The following PPP1CB variants were observed in gnomAD, a reference collection of about 807,000 sequenced individuals.
The protein encoded by PPP1CB is protein phosphatase 1 catalytic subunit beta, also known as serine/threonine-protein phosphatase PP1-beta catalytic subunit.
A neutral mutation model predicts 43.7 loss-of-function variants in PPP1CB; 2 were observed. The observed-to-expected ratio is 0.05, with a 90% CI of 0.02 to 0.14. The LOEUF (loss-of-function observed/expected upper bound fraction) is 0.14. Among genes scored for constraint, PPP1CB ranks in the 10% least tolerant of loss-of-function variants. The pLI, the probability that PPP1CB is intolerant of heterozygous loss-of-function variation, is 1.00. For synonymous variants in PPP1CB, 136 were observed against 135.6 expected (o/e 1.00, Z -0.02); for missense variants, 84 against 398.0 (o/e 0.21, Z 6.71).
intron 1 of PPP1CB, 61 bp from the exon 2 acceptor site, chr2:28,776,790 T>C: frequency 6.6e-7 from 1 of 1,521,372 alleles, no homozygotes; most frequent in South Asian, 1.2e-5. Context: ...GCATGACTCT[T>C]TTTGAAAGAT....
rs1233573273 is a variant in PPP1CB at position 28,801,498 on chromosome 2, ATTAAAT to A, written c.*2201_*2206del. On this transcript the variant is annotated 3_prime_UTR_variant, in exon 8 of 8. Transcript: ENST00000395366. ...CTACTTAAGCTAATTAATATTGGTC[ATTAAAT>A]TTAAAGGATGGAAATTTATCATGTT... The A allele has an allele frequency of 1.1e-4, 17 of 151,890 alleles. No individual in the cohort carries two copies. The highest frequency in any genetic ancestry group is 2.4e-4 in the Non-Finnish European group (16 of 67,962). The allele number at this position is 151,890 out of a possible 1,614,324, so 9.4% of individuals were successfully genotyped here.
intron 6 of PPP1CB, 127 bp downstream of exon 6, chr2:28,788,936 C>T (rs1474932013): frequency 3.2e-6 from 3 of 925,444 alleles, no homozygotes; most frequent in Non-Finnish European, 4.6e-6. Flanking sequence ...CTGCTCACTG[C>T]AACCTGTGCC....
Position 28,783,996 on chromosome 2 carries a change from TTTAA to T in PPP1CB, c.592+21_592+24del, listed in dbSNP as rs757835573. ...TGATACAGGTAAGTGTAGAGAGAAG[TTTAA>T]TTGTTTTGTGTAAAGTGTTTTCATA... On this transcript the variant is annotated intron_variant, in intron 5 of 7. Coordinates refer to ENST00000395366, the MANE Select transcript of PPP1CB (RefSeq NM_002709.3). 8.3e-6 allele frequency: 13 copies of T among 1,561,318 alleles called. No homozygotes were observed. In the Admixed American group the frequency reaches 1.0e-4, roughly 12 times the overall value.
At chr2:28,796,801 C>A (rs1300738013) in intron 7 of PPP1CB, among the ~76,000 whole-genome samples, 1 of 152,110 alleles carries the variant, frequency 6.6e-6, no homozygotes, top group African/African-American at 2.4e-5. Flanking sequence ...CAGGGACTTT[C>A]AGTACTCTGT....
intron 1 of PPP1CB, among the ~76,000 whole-genome samples, chr2:28,764,095 G>T (rs1269177578): frequency 6.6e-6 from 1 of 152,020 alleles, no homozygotes; most frequent in African/African-American, 2.4e-5. Context: ...TGTGTTGTGT[G>T]CATAGAGAAA....
chr2:28,758,577 T>C (rs1666542302), intron 1 of PPP1CB, among the ~76,000 whole-genome samples: 1 of 152,216 alleles, frequency 6.6e-6, no homozygotes, highest in Admixed American at 6.5e-5. Context: ...TCAAGGCTTA[T>C]TCAAGTATAA....
At chr2:28,756,815 AAT>A (rs1223703580) in intron 1 of PPP1CB, among the ~76,000 whole-genome samples, 6 of 152,212 alleles carry the variant, frequency 3.9e-5, no homozygotes, top group East Asian at 1.9e-4. Context: ...GGTTAAAAAA[AAT>A]GAATGGATTT....
In PPP1CB at chr2:28,751,978, G is replaced by A; in HGVS notation, c.-147G>A. The stretch of plus-strand genomic sequence containing the variant: ...TCGCTACCCGGCGGGGAGGGGGTGG[G>A]GGGAGGGCCCGGGAAAAGGGGGAGT... On this transcript the variant is annotated 5_prime_UTR_variant, in exon 1 of 8. Coordinates refer to ENST00000395366, the MANE Select transcript of PPP1CB (RefSeq NM_002709.3). The A allele has an allele frequency of 1.4e-6, 1 of 730,644 alleles. No individual in the cohort carries two copies. The highest frequency in any genetic ancestry group is 2.4e-6 in the Non-Finnish European group (1 of 418,164). 45.3% of individuals were successfully genotyped at this position (730,644 alleles called of 1,614,324 possible).
intron 1 of PPP1CB, among the ~76,000 whole-genome samples, chr2:28,768,033 T>C (rs1666821098): frequency 1.3e-5 from 2 of 152,214 alleles, no homozygotes; most frequent in Non-Finnish European, 2.9e-5. Context: ...TGTCTAGTCC[T>C]TGACAAGTCA....
At chr2:28,764,346 G>T (rs550717458) in intron 1 of PPP1CB, among the ~76,000 whole-genome samples, 2 of 150,704 alleles carry the variant, frequency 1.3e-5, no homozygotes, top group Non-Finnish European at 3.0e-5. Context: ...TATAATCCCA[G>T]CTACTCGGGA....
rs951924631 is a variant in PPP1CB at position 28,800,624 on chromosome 2, G to A, written c.*1321G>A. 6.6e-5 allele frequency: 10 copies of A among 152,212 alleles called. No homozygotes were observed. The highest frequency in any genetic ancestry group is 2.1e-4 in the South Asian group (1 of 4,824). The allele number at this position is 152,212 out of a possible 1,614,324, so 9.4% of individuals were successfully genotyped here. A position where few individuals can be genotyped will look rare whatever the true frequency, so the allele number is the denominator to read the frequency against. ...TTTTAAGGGTTAGTATTAACAAATGGCAATGAGTAGAAAAGTTAACATGAA... is the reference window on the plus strand; with the variant it reads ...TTTTAAGGGTTAGTATTAACAAATGACAATGAGTAGAAAAGTTAACATGAA... On this transcript the variant is annotated 3_prime_UTR_variant, in exon 8 of 8. Coordinates refer to ENST00000395366, the MANE Select transcript of PPP1CB (RefSeq NM_002709.3).
chr2:28,758,134 C>G (rs2148455297), intron 1 of PPP1CB, among the ~76,000 whole-genome samples: 1 of 151,298 alleles, frequency 6.6e-6, no homozygotes, highest in East Asian at 1.9e-4. Flanking sequence ...CAGCCTCAAC[C>G]TTCTGGGCTC....
At chr2:28,787,120 G>A (rs1218795272) in intron 5 of PPP1CB, among the ~76,000 whole-genome samples, 1 of 152,132 alleles carries the variant, frequency 6.6e-6, no homozygotes, top group African/African-American at 2.4e-5. Context: ...ATACTATGAT[G>A]TTTATGGATT....
chr2:28,797,913 T>C (rs980113190), intron 7 of PPP1CB, among the ~76,000 whole-genome samples: 5 of 152,162 alleles, frequency 3.3e-5, no homozygotes, highest in South Asian at 2.1e-4. Flanking sequence ...GTACACACAC[T>C]GTATTTCTCT....
At chr2:28,793,773 A>G (rs1667439440) in intron 6 of PPP1CB, 90 bp from the exon 7 acceptor site, 18 of 1,431,790 alleles carry the variant, frequency 1.3e-5, no homozygotes, top group Non-Finnish European at 1.7e-5. Context: ...GAGGTGGGGC[A>G]CAGTCTTTGC....
At chr2:28,794,767 T>G in intron 7 of PPP1CB, among the ~76,000 whole-genome samples, 1 of 152,282 alleles carries the variant, frequency 6.6e-6, no homozygotes. Context: ...CAGGAACATT[T>G]ATTTATTTAT....
intron 1 of PPP1CB, among the ~76,000 whole-genome samples, chr2:28,763,944 G>A (rs114901979): frequency 0.015 from 2,231 of 151,838 alleles, 60 homozygotes; most frequent in African/African-American, 0.051. Context: ...CTCCTGATCC[G>A]CCCACCTTAG....
intron 5 of PPP1CB, among the ~76,000 whole-genome samples, chr2:28,786,530 CTA>C (rs1269433283): frequency 1.3e-5 from 2 of 152,054 alleles, no homozygotes; most frequent in African/African-American, 4.8e-5. Flanking sequence ...AAACTCTATT[CTA>C]ATTTTATACA....
chr2:28,765,817 G>A (rs1307129988), intron 1 of PPP1CB, among the ~76,000 whole-genome samples: 1 of 152,186 alleles, frequency 6.6e-6, no homozygotes, highest in African/African-American at 2.4e-5. Flanking sequence ...GGGAGGCTGA[G>A]GCAGGAGAAT....
Sources: allele counts gnomAD v4.1 joint callset (sites outside exome capture counted in the v4.1 genomes callset), GRCh38; gene constraint gnomAD v4.1.1; transcripts MANE v1.5; gene names NCBI Gene and HGNC (gene_info 2026-07-23, HGNC 2026-07-21).